Variants in MCM5 observed in about 807,000 individuals in gnomAD.
MCM5 encodes the protein minichromosome maintenance complex component 5, also known as DNA replication licensing factor MCM5.
In MCM5, 46 loss-of-function variants were observed where a neutral mutation model predicts 79.9. The ratio of observed to expected loss-of-function variants is 0.58; its 90% CI spans 0.45 to 0.74. MCM5 has a LOEUF of 0.74. Among genes scored for constraint, MCM5 ranks in the 30% least tolerant of loss-of-function variants. The pLI is 0.00. For synonymous variants in MCM5, 404 were observed against 390.5 expected (o/e 1.03, Z -0.41); for missense variants, 883 against 1,017.0 (o/e 0.87, Z 1.79).
intron 6 of MCM5, among the ~76,000 whole-genome samples, chr22:35,409,184 C>G (rs931746848): frequency 6.6e-6 from 1 of 152,160 alleles, no homozygotes; most frequent in African/African-American, 2.4e-5. Flanking sequence ...AGGATGGTCT[C>G]GATCTCCTGA....
the MCM5 span, among the ~76,000 whole-genome samples, chr22:35,432,716 C>T: frequency 3.9e-4 from 59 of 150,502 alleles, no homozygotes; most frequent in Middle Eastern, 0.017. Context: ...TGTGTGTGTG[C>T]GGGGGGGTGG....
At chr22:35,410,410 G>C in intron 6 of MCM5, 1 of 335,462 alleles carries the variant, frequency 3.0e-6, no homozygotes, top group Non-Finnish European at 5.9e-6. Flanking sequence ...CGTGGAGATG[G>C]GGCTTTTGGA....
chr22:35,401,693 G>A (rs1272218711), intron 2 of MCM5: 2 of 470,972 alleles, frequency 4.2e-6, no homozygotes, highest in African/African-American at 4.0e-5. Flanking sequence ...CTGTGTGCCA[G>A]GCACTGCGCT....
the MCM5 span, among the ~76,000 whole-genome samples, chr22:35,435,937 C>T: frequency 6.6e-6 from 1 of 152,060 alleles, no homozygotes; most frequent in South Asian, 2.1e-4. Flanking sequence ...GAGGCCGAGG[C>T]GGGCGGATCA....
At chr22:35,448,546 C>T in the MCM5 span, among the ~76,000 whole-genome samples, 3 of 152,190 alleles carry the variant, frequency 2.0e-5, no homozygotes, top group Non-Finnish European at 4.4e-5. Context: ...TGCCCCAGGC[C>T]GGGCATCAGA....
At chr22:35,418,039 G>A (rs1932593092) in intron 13 of MCM5, among the ~76,000 whole-genome samples, 183 bp downstream of exon 13, 1 of 152,146 alleles carries the variant, frequency 6.6e-6, no homozygotes, top group Non-Finnish European at 1.5e-5. Flanking sequence ...CTGGCTCTTG[G>A]CTTCAGTTTT....
the MCM5 span, among the ~76,000 whole-genome samples, chr22:35,449,096 A>G: frequency 6.6e-6 from 1 of 152,274 alleles, no homozygotes; most frequent in East Asian, 1.9e-4. Context: ...AGGTTGAAGA[A>G]CTAGGAGCAG....
chr22:35,451,272 T>C, the MCM5 span, among the ~76,000 whole-genome samples: 1 of 85,098 alleles, frequency 1.2e-5, no homozygotes. Context: ...GGGTTTTCGA[T>C]GAAGAATGAC....
At chr22:35,419,103 G>A (rs1416554892) in intron 13 of MCM5, among the ~76,000 whole-genome samples, 1 of 152,174 alleles carries the variant, frequency 6.6e-6, no homozygotes, top group Non-Finnish European at 1.5e-5. Flanking sequence ...GGTAGTCCCT[G>A]GGTCTTCATC....
At chr22:35,446,745 A>C in the MCM5 span, among the ~76,000 whole-genome samples, 120,170 of 151,778 alleles carry the variant, frequency 0.79, 48,163 homozygotes, top group African/African-American at 0.88. Context: ...CTAGTCCTGG[A>C]CTCACCGCAC....
At chr22:35,448,114 G>A in the MCM5 span, among the ~76,000 whole-genome samples, 1 of 152,174 alleles carries the variant, frequency 6.6e-6, no homozygotes, top group African/African-American at 2.4e-5. Flanking sequence ...AAATGAGACC[G>A]GAAACAAGGG....
the MCM5 span, among the ~76,000 whole-genome samples, chr22:35,431,115 C>A: frequency 2.6e-5 from 4 of 152,112 alleles, no homozygotes; most frequent in Admixed American, 2.6e-4. Flanking sequence ...AATCTGGAAA[C>A]TCCCTGGCTC....
At chr22:35,421,612 C>T in intron 15 of MCM5, 152 bp downstream of exon 15, 2 of 981,908 alleles carry the variant, frequency 2.0e-6, no homozygotes, top group Non-Finnish European at 3.2e-6. Context: ...GCCATAAGAC[C>T]CCTCTCCTCC....
At chr22:35,423,984 T>A in intron 16 of MCM5, 170 bp from the exon 17 acceptor site, 1 of 563,036 alleles carries the variant, frequency 1.8e-6, no homozygotes, top group Non-Finnish European at 3.2e-6. Context: ...AGCAAGTGGC[T>A]TAGCCTCCGT....
chr22:35,412,801 G>T (rs974402259), intron 8 of MCM5, 120 bp downstream of exon 8: 2 of 895,644 alleles, frequency 2.2e-6, no homozygotes, highest in South Asian at 8.4e-5. Context: ...CCCTCAGTCT[G>T]CCAGGCACCT....
At chr22:35,437,698 C>T in the MCM5 span, among the ~76,000 whole-genome samples, 4 of 152,214 alleles carry the variant, frequency 2.6e-5, no homozygotes, top group East Asian at 3.9e-4. Context: ...AGCCATGAGT[C>T]GGGGTGTCAC....
At chr22:35,453,385 AAGAC>A in the MCM5 span, among the ~76,000 whole-genome samples, 2 of 152,064 alleles carry the variant, frequency 1.3e-5, no homozygotes, top group Non-Finnish European at 1.5e-5. Flanking sequence ...ATGGAGACAA[AAGAC>A]AGAGAAGGAG....
intron 2 of MCM5, among the ~76,000 whole-genome samples, 185 bp downstream of exon 2, chr22:35,400,790 T>G (rs987645653): frequency 2.6e-5 from 4 of 151,200 alleles, no homozygotes; most frequent in African/African-American, 9.9e-5. Flanking sequence ...GTATTTTGTT[T>G]TACTTTATTT....
the MCM5 span, among the ~76,000 whole-genome samples, chr22:35,438,991 A>C: frequency 2.1e-5 from 1 of 48,548 alleles, no homozygotes; most frequent in Admixed American, 1.9e-4. Flanking sequence ...ATCTACCCAC[A>C]TATTCATCCA....
Sources: gnomAD v4.1 joint callset for allele counts (sites outside exome capture counted in the v4.1 genomes callset) on GRCh38, gnomAD v4.1.1 for gene constraint, MANE v1.5 for transcripts, NCBI Gene and HGNC (gene_info 2026-07-23, HGNC 2026-07-21) for gene names.